UNC13C: variants seen among roughly 807,000 people sequenced by gnomAD.
UNC13C encodes the protein protein unc-13 homolog C.
UNC13C carries 174 observed loss-of-function variants against 245.4 expected under a neutral mutation model. The observed-to-expected ratio is 0.71, with a 90% CI of 0.63 to 0.80. The LOEUF is 0.80. UNC13C is among the 30% of genes least tolerant of loss of function. The pLI, the probability that UNC13C is intolerant of heterozygous loss-of-function variation, is 0.00. For synonymous variants in UNC13C, 992 were observed against 895.1 expected (o/e 1.11, Z -1.93); for missense variants, 2,829 against 2,602.9 (o/e 1.09, Z -1.89).
chr15:54,314,278 G>A (rs1472035753), intron 13 of UNC13C, among the ~76,000 whole-genome samples: 1 of 151,688 alleles, frequency 6.6e-6, no homozygotes, highest in Non-Finnish European at 1.5e-5. Context: ...CTTGAAAAGA[G>A]CAAAGCGAAT....
intron 4 of UNC13C, among the ~76,000 whole-genome samples, chr15:54,213,346 G>A (rs531774815): frequency 6.6e-6 from 1 of 151,988 alleles, no homozygotes; most frequent in East Asian, 1.9e-4. Flanking sequence ...TACTAGAGAG[G>A]AAAAGTATAT....
intron 2 of UNC13C, among the ~76,000 whole-genome samples, chr15:54,070,847 C>CA (rs1898289668): frequency 6.6e-6 from 1 of 152,110 alleles, no homozygotes; most frequent in South Asian, 2.1e-4. Flanking sequence ...TCATTACTTA[C>CA]AAGCTGGATT....
intron 2 of UNC13C, among the ~76,000 whole-genome samples, chr15:54,069,492 C>A (rs1898221141): frequency 6.6e-6 from 1 of 152,124 alleles, no homozygotes; most frequent in Admixed American, 6.5e-5. Context: ...ATAAAATAAT[C>A]CTGAAAACCA....
intron 19 of UNC13C, among the ~76,000 whole-genome samples, chr15:54,420,431 A>G (rs1307427278): frequency 2.0e-5 from 3 of 151,482 alleles, no homozygotes; most frequent in African/African-American, 4.8e-5. Flanking sequence ...TTTATTATCT[A>G]TACTGTGAAG....
Position 54,346,239 on chromosome 15 carries a change from A to T in UNC13C, c.4713+7750A>T, listed in dbSNP as rs536222743. 1.8e-3 allele frequency among the ~76,000 whole-genome samples: 239 copies of T among 133,116 alleles called. 2 individuals carry two copies. The highest frequency in any genetic ancestry group is 3.2e-3 in the Non-Finnish European group (192 of 60,162). The allele number at this position is 133,116 out of a possible 152,430, so 87.3% of individuals were successfully genotyped here. A position where few individuals can be genotyped will look rare whatever the true frequency, so the allele number is the denominator to read the frequency against. ...TAATTATCTAATAAAAATAACATTT[A>T]AAGAAAAAGGCAGTGCCTTAGTTAC... is the stretch of plus-strand genomic sequence containing the variant. On this transcript the variant is annotated intron_variant, in intron 17 of 32. Transcript: ENST00000260323.
intron 9 of UNC13C, among the ~76,000 whole-genome samples, chr15:54,264,819 A>C (rs2036513443): frequency 6.6e-6 from 1 of 151,892 alleles, no homozygotes; most frequent in African/African-American, 2.4e-5. Context: ...GAGTTTAATG[A>C]TATCTAGTAA....
chr15:54,526,514 G>A (rs1038044269), intron 25 of UNC13C, among the ~76,000 whole-genome samples: 2 of 151,934 alleles, frequency 1.3e-5, no homozygotes, highest in Non-Finnish European at 2.9e-5. Flanking sequence ...GGTGGATCAC[G>A]AGGTCAGGAG....
chr15:54,347,047 A>G (rs1006261168), intron 17 of UNC13C, among the ~76,000 whole-genome samples: 1 of 152,232 alleles, frequency 6.6e-6, no homozygotes, highest in Non-Finnish European at 1.5e-5. Context: ...ACCTGGAACA[A>G]GAGCAGGATG....
the UNC13C span, among the ~76,000 whole-genome samples, chr15:53,891,159 G>T: frequency 3.9e-5 from 6 of 152,152 alleles, no homozygotes; most frequent in Non-Finnish European, 8.8e-5. Flanking sequence ...CAATTTCCAT[G>T]TAGTTGTGTG....
intron 24 of UNC13C, among the ~76,000 whole-genome samples, chr15:54,518,641 C>T (rs1251526416): frequency 6.6e-6 from 1 of 152,206 alleles, no homozygotes; most frequent in African/African-American, 2.4e-5. Context: ...GTTTGCCCTA[C>T]TAAGCAGAAT....
intron 19 of UNC13C, 113 bp downstream of exon 19, chr15:54,415,180 C>A: frequency 1.4e-6 from 1 of 729,708 alleles, no homozygotes; most frequent in Non-Finnish European, 2.1e-6. Flanking sequence ...TTACTGTGAT[C>A]AGTTTAGTTC....
chr15:54,298,004 T>A, intron 12 of UNC13C, 78 bp downstream of exon 12: 13 of 1,039,378 alleles, frequency 1.3e-5, no homozygotes, highest in Non-Finnish European at 1.7e-5. Context: ...ATATTTGGTT[T>A]AAAAATCATT....
intron 16 of UNC13C, 56 bp downstream of exon 16, chr15:54,333,912 CT>C (rs2140997929): frequency 7.6e-7 from 1 of 1,316,026 alleles, no homozygotes; most frequent in Middle Eastern, 1.9e-4. Flanking sequence ...CATTCATCCC[CT>C]GGTAAAGTCT....
chr15:54,471,657 T>A lies in UNC13C; in HGVS notation c.4934-22951T>A, dbSNP rs1223085170. On this transcript the variant is annotated intron_variant, in intron 19 of 32. Transcript: ENST00000260323. ...TATAGTCTAACTTCTTAAGACTTAT[T>A]TTGTGGCCTAACATATGATCTATCT... Among the ~76,000 whole-genome samples the A allele has an allele frequency of 2.0e-5, 3 of 151,748 alleles. No homozygotes were observed. In the South Asian group the frequency reaches 6.2e-4, roughly 32 times the overall value.
intron 14 of UNC13C, among the ~76,000 whole-genome samples, chr15:54,322,577 A>G (rs1271921970): frequency 6.6e-6 from 1 of 151,986 alleles, no homozygotes; most frequent in African/African-American, 2.4e-5. Flanking sequence ...GAGCCTACAA[A>G]AAACAATCTG....
At chr15:53,839,865 C>T in the UNC13C span, among the ~76,000 whole-genome samples, 1 of 152,042 alleles carries the variant, frequency 6.6e-6, no homozygotes, top group Admixed American at 6.6e-5. Flanking sequence ...AATAATGTCT[C>T]ATATTAATAT....
At chr15:54,535,322 C>T (rs1180442740) in intron 26 of UNC13C, among the ~76,000 whole-genome samples, 2 of 152,104 alleles carry the variant, frequency 1.3e-5, no homozygotes, top group African/African-American at 4.8e-5. Flanking sequence ...CTTAGCTATC[C>T]TACACATATA....
At chr15:54,595,565 T>C (rs983219282) in intron 30 of UNC13C, among the ~76,000 whole-genome samples, 5 of 152,218 alleles carry the variant, frequency 3.3e-5, no homozygotes, top group Non-Finnish European at 5.9e-5. Flanking sequence ...GTGGCTGCAA[T>C]CTAGTCCTGC....
At chr15:53,893,032 T>G in the UNC13C span, among the ~76,000 whole-genome samples, 1 of 152,188 alleles carries the variant, frequency 6.6e-6, no homozygotes, top group Admixed American at 6.5e-5. Context: ...TCTTTGATGT[T>G]GGTGACCTTC....
Sources: allele counts gnomAD v4.1 joint callset (sites outside exome capture counted in the v4.1 genomes callset), GRCh38; gene constraint gnomAD v4.1.1; transcripts MANE v1.5; gene names NCBI Gene and HGNC (gene_info 2026-07-23, HGNC 2026-07-21).